Variants in ZNF385B observed in about 807,000 individuals in gnomAD.
The protein encoded by ZNF385B is zinc finger protein 533.
A neutral mutation model predicts 39.2 loss-of-function variants in ZNF385B; 23 were observed. The ratio of observed to expected loss-of-function variants is 0.59; its 90% confidence interval spans 0.42 to 0.83. The LOEUF is 0.83. ZNF385B is among the 40% of genes least tolerant of loss of function. The pLI is 0.00. For synonymous variants in ZNF385B, 205 were observed against 222.6 expected, an observed-to-expected ratio of 0.92 and a Z score of 0.70; for missense variants, 552 against 598.9, an observed-to-expected ratio of 0.92 and a Z score of 0.82.
chr2:179,596,492 C>T (rs1688009441), intron 3 of ZNF385B, among the ~76,000 whole-genome samples: 1 of 152,168 alleles, frequency 6.6e-6, no homozygotes, highest in African/African-American at 2.4e-5. Context: ...CTCTATCAGA[C>T]TGAGGCCACA....
At chr2:179,607,911 T>C (rs894157637) in intron 3 of ZNF385B, among the ~76,000 whole-genome samples, 1 of 44,558 alleles carries the variant, frequency 2.2e-5, no homozygotes, top group Admixed American at 3.4e-4. Flanking sequence ...AGAAACTCTT[T>C]TTTTTTTTTT....
chr2:179,736,649 T>C (rs1044761658), intron 3 of ZNF385B, among the ~76,000 whole-genome samples: 2 of 152,182 alleles, frequency 1.3e-5, no homozygotes, highest in African/African-American at 4.8e-5. Context: ...TTAAATGCTG[T>C]CTTCCAATCA....
At chr2:179,686,908 T>TTG (rs963881979) in intron 3 of ZNF385B, among the ~76,000 whole-genome samples, 2 of 151,928 alleles carry the variant, frequency 1.3e-5, no homozygotes, top group African/African-American at 4.8e-5. Flanking sequence ...TTCACAACTT[T>TTG]TGTGTGTGTG....
chr2:179,536,230 GTA>G (rs2059558256), intron 4 of ZNF385B: 1 of 151,670 alleles, frequency 6.6e-6, no homozygotes, highest in East Asian at 1.9e-4. Context: ...TTAATTATCT[GTA>G]GATTTGTTAA....
rs143848369 is a variant in ZNF385B at position 179,555,128 on chromosome 2, A to G, written c.299-10159T>C. 3.8e-3 allele frequency among the ~76,000 whole-genome samples: 564 copies of G among 149,896 alleles called. 41 individuals are homozygous for G. Among genetic ancestry groups the G allele is most frequent in the South Asian group, 0.015 (71 of 4,688 alleles). On this transcript the variant is annotated intron_variant, in intron 3 of 9. Coordinates refer to ENST00000410066, the MANE Select transcript of ZNF385B (RefSeq NM_152520.6). Reference sequence around the variant, plus strand: ...AATTTTTGTATGTTTGCATGATGAAACATTCATGCAATGACATACAGCAAT... The same window carrying G: ...AATTTTTGTATGTTTGCATGATGAAGCATTCATGCAATGACATACAGCAAT...
intron 3 of ZNF385B, among the ~76,000 whole-genome samples, chr2:179,704,022 C>A (rs934222954): frequency 1.3e-5 from 2 of 152,162 alleles, no homozygotes; most frequent in Non-Finnish European, 2.9e-5. Flanking sequence ...TAGAGAGACA[C>A]TGATGAATTT....
chr2:179,736,119 G>T (rs1701741145), intron 3 of ZNF385B, among the ~76,000 whole-genome samples: 1 of 151,692 alleles, frequency 6.6e-6, no homozygotes, highest in Non-Finnish European at 1.5e-5. Context: ...AAATACCTTG[G>T]CCAGCAAGAA....
chr2:179,714,311 C>A (rs1259622386), intron 3 of ZNF385B, among the ~76,000 whole-genome samples: 2 of 152,170 alleles, frequency 1.3e-5, no homozygotes, highest in Admixed American at 1.3e-4. Flanking sequence ...CCTTCATAAG[C>A]AAGGACTATT....
At chr2:179,514,692 T>C (rs1300255789) in intron 5 of ZNF385B, among the ~76,000 whole-genome samples, 1 of 151,668 alleles carries the variant, frequency 6.6e-6, no homozygotes, top group Non-Finnish European at 1.5e-5. Flanking sequence ...TATAAAGATA[T>C]GCAAAAAAAT....
chr2:179,710,341 G>A (rs950457315), intron 3 of ZNF385B, among the ~76,000 whole-genome samples: 1 of 152,108 alleles, frequency 6.6e-6, no homozygotes, highest in African/African-American at 2.4e-5. Flanking sequence ...CTACCCAGGA[G>A]CACATCATTA....
chr2:179,823,784 C>T (rs930193113), intron 1 of ZNF385B, among the ~76,000 whole-genome samples: 2 of 152,096 alleles, frequency 1.3e-5, no homozygotes, highest in African/African-American at 4.8e-5. Flanking sequence ...CTTCCTCTGT[C>T]AATCATTGAA....
intron 5 of ZNF385B, among the ~76,000 whole-genome samples, chr2:179,505,603 C>T (rs1179591592): frequency 6.6e-6 from 1 of 152,080 alleles, no homozygotes; most frequent in East Asian, 1.9e-4. Context: ...ATGAAAATTA[C>T]TTTTCAGAGA....
intron 1 of ZNF385B, among the ~76,000 whole-genome samples, chr2:179,780,665 T>C (rs963608669): frequency 6.6e-6 from 1 of 152,172 alleles, no homozygotes. Context: ...TCTAAGAAAA[T>C]TTTTTATTCC....
At chr2:179,453,245 G>A (rs552130251) in intron 6 of ZNF385B, among the ~76,000 whole-genome samples, 1 of 152,188 alleles carries the variant, frequency 6.6e-6, no homozygotes, top group Non-Finnish European at 1.5e-5. Context: ...AAAGGATACC[G>A]AACGAGACTT....
chr2:179,736,711 T>C lies in ZNF385B; in HGVS notation c.298+32792A>G, dbSNP rs566405923. Among the ~76,000 whole-genome samples the C allele has an allele frequency of 4.6e-5, 7 of 152,274 alleles. No homozygotes were observed. The South Asian group carries it at 1.5e-3, about 32-fold the overall frequency. ...AGGGCCAGGCGTGTAGGCTCACGTC[T>C]GTAATCCTAGCACTTTGGAAGGCCC... On this transcript the variant is annotated intron_variant, in intron 3 of 9. Transcript: ENST00000410066.
intron 3 of ZNF385B, among the ~76,000 whole-genome samples, chr2:179,561,531 A>C (rs1263213561): frequency 2.6e-5 from 4 of 152,082 alleles, no homozygotes; most frequent in Admixed American, 6.6e-5. Context: ...CCCACTGGAG[A>C]CTATGAGATA....
intron 7 of ZNF385B, among the ~76,000 whole-genome samples, chr2:179,445,975 G>A (rs2049433521): frequency 6.6e-6 from 1 of 151,872 alleles, no homozygotes; most frequent in Non-Finnish European, 1.5e-5. Context: ...CTACTCAGAG[G>A]TAACCACTAT....
intron 3 of ZNF385B, among the ~76,000 whole-genome samples, chr2:179,616,590 C>T (rs1341825312): frequency 6.7e-6 from 1 of 148,308 alleles, no homozygotes; most frequent in African/African-American, 2.5e-5. Flanking sequence ...GACAGTGTCC[C>T]ACTGTGTCAC....
intron 3 of ZNF385B, among the ~76,000 whole-genome samples, chr2:179,633,950 A>C (rs560311918): frequency 6.6e-6 from 1 of 152,324 alleles, no homozygotes; most frequent in Non-Finnish European, 1.5e-5. Flanking sequence ...AAAAACAAGC[A>C]ATGGGAAAAG....
Sources: gnomAD v4.1 joint callset for allele counts (sites outside exome capture counted in the v4.1 genomes callset) on GRCh38, gnomAD v4.1.1 for gene constraint, MANE v1.5 for transcripts, NCBI Gene and HGNC (gene_info 2026-07-23, HGNC 2026-07-21) for gene names.